The following STK3 variants were observed in gnomAD, a reference collection of about 807,000 sequenced individuals.
The protein encoded by STK3 is serine/threonine kinase 3.
Under a neutral mutation model 58.0 loss-of-function variants are expected in STK3, and 41 were observed. The observed-to-expected ratio is 0.71, with a 90% CI of 0.55 to 0.92. STK3 has a LOEUF of 0.92. STK3 is among the 40% of genes least tolerant of loss of function. The probability of loss-of-function intolerance (pLI) is 0.00; values close to 1 mark genes in which losing one functional copy is unlikely to be tolerated. For synonymous variants in STK3, 170 were observed against 191.0 expected, an observed-to-expected ratio of 0.89 and a Z score of 0.91; for missense variants, 479 against 602.7, an observed-to-expected ratio of 0.79 and a Z score of 2.15.
intron 3 of STK3, among the ~76,000 whole-genome samples, chr8:98,832,261 T>C (rs921091129): frequency 6.8e-6 from 1 of 147,578 alleles, no homozygotes; most frequent in South Asian, 2.1e-4. Flanking sequence ...AAAAAATATA[T>C]ATATATATAT....
At chr8:98,480,812 A>G (rs1001902023) in intron 10 of STK3, among the ~76,000 whole-genome samples, 3 of 152,228 alleles carry the variant, frequency 2.0e-5, no homozygotes, top group African/African-American at 7.2e-5. Context: ...CATTTGGGGG[A>G]AAGTTTCAGG....
intron 6 of STK3, among the ~76,000 whole-genome samples, chr8:98,608,057 TG>T (rs1816908099): frequency 6.6e-6 from 1 of 152,196 alleles, no homozygotes. Flanking sequence ...ATTCTAATAC[TG>T]GAATTAATCT....
intron 4 of STK3, among the ~76,000 whole-genome samples, chr8:98,730,382 G>A (rs1828086339): frequency 6.6e-6 from 1 of 152,102 alleles, no homozygotes; most frequent in Non-Finnish European, 1.5e-5. Flanking sequence ...GGTATATAGT[G>A]AAAATGTCTC....
At chr8:98,385,627 G>A (rs1357268098) in intron 1 of STK3, among the ~76,000 whole-genome samples, 1 of 152,030 alleles carries the variant, frequency 6.6e-6, no homozygotes, top group Non-Finnish European at 1.5e-5. Flanking sequence ...CCTTCGCAGT[G>A]CCCCCGTCCG....
the STK3 span, among the ~76,000 whole-genome samples, chr8:98,347,277 G>A: frequency 6.6e-6 from 1 of 151,920 alleles, no homozygotes; most frequent in African/African-American, 2.4e-5. Flanking sequence ...CACTTTGGGA[G>A]GCCGAGGCGG....
At chr8:98,499,117 C>T (rs1823376116) in intron 10 of STK3, among the ~76,000 whole-genome samples, 1 of 152,064 alleles carries the variant, frequency 6.6e-6, no homozygotes, top group South Asian at 2.1e-4. Context: ...GGAAAAGATG[C>T]TACACTGCTG....
At chr8:98,388,352 G>A (rs1295315075), upstream of STK3, 1 of 152,150 alleles carries the variant, frequency 6.6e-6, no homozygotes, top group Non-Finnish European at 1.5e-5. Context: ...AAACCCTTAG[G>A]TGAATAACTG....
intron 3 of STK3, among the ~76,000 whole-genome samples, chr8:98,843,616 C>T (rs193262503): frequency 6.6e-6 from 1 of 152,332 alleles, no homozygotes; most frequent in Admixed American, 6.5e-5. Context: ...CTTCCACAAC[C>T]TCTTCTTGTC....
intron 3 of STK3, among the ~76,000 whole-genome samples, chr8:98,749,964 T>C (rs946368043): frequency 6.6e-6 from 1 of 152,124 alleles, no homozygotes; most frequent in Non-Finnish European, 1.5e-5. Context: ...AGCCAAGCTG[T>C]CTTCAGGAAG....
chr8:98,774,749 G>A lies in STK3; in HGVS notation c.97C>T (p.Leu33Phe). The A allele has an allele frequency of 6.3e-7, 1 of 1,580,886 alleles. No homozygotes were observed. Among genetic ancestry groups the A allele is most frequent in the Non-Finnish European group, 8.6e-7 (1 of 1,166,452 alleles). ...PEEVFDVLEK[L>F]GEGSYGSVFK... ...ACTTTTTGTACTTACCCTTCTCCAA[G>A]CTTCTCTAATACATCAAAAACTTCT... The change falls in exon 2 of 11, where the codon CTT (leucine) becomes TTT (phenylalanine). Residue 33 changes from leucine to phenylalanine, a missense_variant. This residue lies in a region of STK3 where 44 missense variants were observed against 37.0 expected (regional missense o/e 1.19). Coordinates refer to ENST00000419617, the MANE Select transcript of STK3 (RefSeq NM_006281.4).
intron 6 of STK3, among the ~76,000 whole-genome samples, chr8:98,658,997 C>A (rs927749016): frequency 6.6e-6 from 1 of 152,014 alleles, no homozygotes; most frequent in Admixed American, 6.6e-5. Context: ...GTTACAATTG[C>A]CTACAGTATT....
upstream of STK3, among the ~76,000 whole-genome samples, chr8:98,391,080 T>C (rs1817844866): frequency 6.6e-6 from 1 of 152,216 alleles, no homozygotes; most frequent in Non-Finnish European, 1.5e-5. Flanking sequence ...ATTTGTCTGT[T>C]TTTTTATGTG....
intron 7 of STK3, among the ~76,000 whole-genome samples, chr8:98,587,823 T>C (rs1268260785): frequency 1.3e-5 from 2 of 152,188 alleles, no homozygotes; most frequent in East Asian, 1.9e-4. Context: ...TAGCTCTTCT[T>C]GTTGAATTGA....
intron 8 of STK3, among the ~76,000 whole-genome samples, chr8:98,560,699 T>C (rs1369542820): frequency 6.6e-6 from 1 of 152,018 alleles, no homozygotes; most frequent in African/African-American, 2.4e-5. Context: ...TCTATGGAAA[T>C]GCAAAAGGCC....
chr8:98,904,178 G>T (rs895647450), intron 1 of STK3, among the ~76,000 whole-genome samples: 3 of 152,166 alleles, frequency 2.0e-5, no homozygotes, highest in Non-Finnish European at 4.4e-5. Flanking sequence ...TTCAATGTTA[G>T]AGTCCAGAAC....
At chr8:98,541,402 G>T (rs1481998022) in intron 9 of STK3, among the ~76,000 whole-genome samples, 1 of 152,180 alleles carries the variant, frequency 6.6e-6, no homozygotes, top group East Asian at 1.9e-4. Context: ...CATGTAGGAC[G>T]TGCCAGCTTC....
intron 1 of STK3, among the ~76,000 whole-genome samples, chr8:98,780,883 A>C (rs1305337610): frequency 6.6e-6 from 1 of 152,190 alleles, no homozygotes; most frequent in East Asian, 1.9e-4. Flanking sequence ...CATATCAAGG[A>C]AACACCAATA....
At chr8:98,860,170 T>C (rs1470387364) in intron 3 of STK3, among the ~76,000 whole-genome samples, 4 of 152,220 alleles carry the variant, frequency 2.6e-5, no homozygotes, top group Non-Finnish European at 2.9e-5. Context: ...GTCCCTGTTC[T>C]CATGAAGTTA....
intron 1 of STK3, among the ~76,000 whole-genome samples, chr8:98,892,675 C>T (rs1838241135): frequency 6.6e-6 from 1 of 152,172 alleles, no homozygotes; most frequent in Non-Finnish European, 1.5e-5. Context: ...TTTATCCCTA[C>T]TTTAGCACTT....
Sources: gnomAD v4.1 joint callset for allele counts (sites outside exome capture counted in the v4.1 genomes callset) on GRCh38, gnomAD v4.1.1 for gene constraint, gnomAD v4.1.1 regional missense constraint, MANE v1.5 for transcripts, NCBI Gene and HGNC (gene_info 2026-07-23, HGNC 2026-07-21) for gene names.